FAM83B: variants seen among roughly 807,000 people sequenced by gnomAD.
FAM83B encodes the protein protein FAM83B.
FAM83B carries 26 observed loss-of-function variants against 38.8 expected under a neutral mutation model. That is an observed-to-expected ratio of 0.67 (90% CI 0.49 to 0.93). The LOEUF (loss-of-function observed/expected upper bound fraction) is 0.93. Ranked by LOEUF, FAM83B falls within the 40% of genes least tolerant of loss-of-function variation. FAM83B has a pLI of 0.00. For synonymous variants in FAM83B, 419 were observed against 423.1 expected (o/e 0.99, Z 0.12); for missense variants, 1,237 against 1,197.3 (o/e 1.03, Z -0.49).
chr6:54,908,964 TTAAA>T (rs1184842655), intron 2 of FAM83B, among the ~76,000 whole-genome samples: 2 of 152,202 alleles, frequency 1.3e-5, no homozygotes, highest in Non-Finnish European at 2.9e-5. Flanking sequence ...CTGTGTGATC[TTAAA>T]TAAATATTAG....
chr6:54,872,966 C>T (rs1003409877), intron 2 of FAM83B, among the ~76,000 whole-genome samples: 6 of 150,720 alleles, frequency 4.0e-5, no homozygotes, highest in East Asian at 1.9e-4. Context: ...TAAATTATAA[C>T]AGACGACTTC....
At chr6:54,855,832 A>G (rs995895985) in intron 1 of FAM83B, among the ~76,000 whole-genome samples, 4 of 152,232 alleles carry the variant, frequency 2.6e-5, no homozygotes, top group Admixed American at 2.0e-4. Context: ...ATAATTTGAT[A>G]AAACCATTAA....
intron 2 of FAM83B, among the ~76,000 whole-genome samples, chr6:54,920,503 T>G (rs1185727427): frequency 6.6e-6 from 1 of 151,928 alleles, no homozygotes; most frequent in Non-Finnish European, 1.5e-5. Flanking sequence ...CACCTATATT[T>G]CATTAAGTAT....
intron 1 of FAM83B, among the ~76,000 whole-genome samples, chr6:54,847,411 G>A (rs1771167123): frequency 7.2e-6 from 1 of 138,262 alleles, no homozygotes. Flanking sequence ...CCGTTTCTGA[G>A]TGCAGACTGG....
intron 3 of FAM83B, among the ~76,000 whole-genome samples, chr6:54,927,036 A>G (rs945393142): frequency 1.1e-4 from 16 of 152,082 alleles, no homozygotes; most frequent in African/African-American, 3.9e-4. Context: ...CCCGGCCTTC[A>G]TGAGGGTTTT....
intron 1 of FAM83B, among the ~76,000 whole-genome samples, chr6:54,850,603 CAACAT>C (rs1388498757): frequency 6.6e-6 from 1 of 152,122 alleles, no homozygotes; most frequent in East Asian, 1.9e-4. Context: ...TAGAATAACT[CAACAT>C]AAGATGTTTG....
intron 1 of FAM83B, among the ~76,000 whole-genome samples, chr6:54,860,386 G>A (rs1455336797): frequency 6.6e-6 from 1 of 152,070 alleles, no homozygotes; most frequent in African/African-American, 2.4e-5. Flanking sequence ...CTTGCCCTAT[G>A]CATTTGGCTC....
intron 2 of FAM83B, among the ~76,000 whole-genome samples, chr6:54,919,868 A>G (rs1773132029): frequency 2.0e-5 from 3 of 152,002 alleles, no homozygotes; most frequent in Admixed American, 2.0e-4. Context: ...TACATGCAAG[A>G]TATTCTCTGG....
At chr6:54,884,650 C>T (rs1423291735) in intron 2 of FAM83B, among the ~76,000 whole-genome samples, 1 of 152,058 alleles carries the variant, frequency 6.6e-6, no homozygotes, top group African/African-American at 2.4e-5. Context: ...CAAGTGACCA[C>T]TTACATATGG....
chr6:54,934,750 G>A (rs1486394467), intron 4 of FAM83B, among the ~76,000 whole-genome samples: 1 of 152,144 alleles, frequency 6.6e-6, no homozygotes, highest in Non-Finnish European at 1.5e-5. Flanking sequence ...AAAGGAAAGA[G>A]TAGGGAACCT....
At chr6:54,891,553 C>G (rs1772403175) in intron 2 of FAM83B, among the ~76,000 whole-genome samples, 1 of 152,152 alleles carries the variant, frequency 6.6e-6, no homozygotes, top group South Asian at 2.1e-4. Context: ...CTGATGTGGC[C>G]TGTCTTCTGA....
chr6:54,881,543 GA>G (rs1772132288), intron 2 of FAM83B, among the ~76,000 whole-genome samples: 3 of 151,522 alleles, frequency 2.0e-5, no homozygotes, highest in East Asian at 1.9e-4. Flanking sequence ...ATACGCTGCT[GA>G]AAAAAATCTA....
chr6:54,862,877 C>A (rs940375261), intron 1 of FAM83B, among the ~76,000 whole-genome samples: 16 of 151,572 alleles, frequency 1.1e-4, no homozygotes, highest in South Asian at 2.1e-4. Flanking sequence ...AAACCCCCCC[C>A]CAAAAAAACC....
rs1024494815 is a variant in FAM83B at position 54,942,766 on chromosome 6, G to A, written c.*759G>A. Among the ~76,000 whole-genome samples the A allele has an allele frequency of 6.7e-6, 1 of 148,506 alleles. No individual in the cohort carries two copies. Among genetic ancestry groups the A allele is most frequent in the Non-Finnish European group, 1.5e-5 (1 of 67,972 alleles). The stretch of plus-strand genomic sequence containing the variant: ...CTTACTTCACATTTAGGACAAACCA[G>A]TAGGAATTTAGAAAATCTGAATGAT... On this transcript the variant is annotated 3_prime_UTR_variant, in exon 5 of 5. Coordinates refer to ENST00000306858, the MANE Select transcript of FAM83B (RefSeq NM_001010872.3).
chr6:54,940,178 A>T lies in FAM83B; in HGVS notation c.1207A>T (p.Asn403Tyr), dbSNP rs1172219941. 46 of 1,613,978 alleles carry T rather than the reference A, an allele frequency of 2.9e-5. No individual in the cohort carries two copies. The highest frequency in any genetic ancestry group is 3.8e-5 in the Non-Finnish European group (45 of 1,180,014). Reference protein sequence around the residue: ...QPETVPYLLLNRALNRTNNPP... With the variant: ...QPETVPYLLLYRALNRTNNPP... ...AGAAACAGTGCCATACCTCCTGCTTAATAGGGCTCTGAATAGAACCAATAA... is the reference window on the plus strand; with the variant it reads ...AGAAACAGTGCCATACCTCCTGCTTTATAGGGCTCTGAATAGAACCAATAA... The change falls in exon 5 of 5, where the codon AAT becomes TAT. Residue 403 changes from asparagine to tyrosine, a missense_variant. By Grantham distance (143) the Asn-to-Tyr change is moderately radical (BLOSUM62 -2). Coordinates refer to ENST00000306858, the MANE Select transcript of FAM83B (RefSeq NM_001010872.3).
At chr6:54,904,947 A>G (rs1332170596) in intron 2 of FAM83B, among the ~76,000 whole-genome samples, 4 of 152,160 alleles carry the variant, frequency 2.6e-5, no homozygotes, top group Non-Finnish European at 5.9e-5. Flanking sequence ...GAGGGAGAGG[A>G]TGGGAGATCA....
At chr6:54,891,178 T>C (rs1772393487) in intron 2 of FAM83B, among the ~76,000 whole-genome samples, 1 of 152,062 alleles carries the variant, frequency 6.6e-6, no homozygotes, top group African/African-American at 2.4e-5. Context: ...GGGCTCTACT[T>C]CCTTACTTTT....
rs1238484204 is a variant in FAM83B at position 54,939,699 on chromosome 6, TC to T, written c.735-3del. ...AATGATTAAAATTTTTCCATTTTTT[TC>T]CCCAGTTATATGTGGTCATTTGAGA... On this transcript the variant is annotated splice_polypyrimidine_tract_variant and splice_region_variant and intron_variant, in intron 4 of 4. Transcript: ENST00000306858. 4 of 1,551,458 alleles carry T rather than the reference TC, an allele frequency of 2.6e-6. No homozygotes were observed. In the African/African-American group the frequency reaches 5.6e-5, roughly 22 times the overall value.
rs149641528 is a variant in FAM83B, at chr6:54,850,959, A to G, written c.-61+4133A>G. Reference sequence around the variant, plus strand: ...TTTGAACCTGGGAGGCAGAGCTTGCAGTGAGCCCAGGTCGCGCCACTGCAC... The same window carrying G: ...TTTGAACCTGGGAGGCAGAGCTTGCGGTGAGCCCAGGTCGCGCCACTGCAC... On this transcript the variant is annotated intron_variant, in intron 1 of 4. Coordinates refer to ENST00000306858, the MANE Select transcript of FAM83B (RefSeq NM_001010872.3). 4.9e-3 allele frequency among the ~76,000 whole-genome samples: 715 copies of G among 145,826 alleles called. 9 individuals carry two copies. The highest frequency in any genetic ancestry group is 0.017 in the African/African-American group (688 of 39,450).
Sources: gnomAD v4.1 joint callset for allele counts (sites outside exome capture counted in the v4.1 genomes callset) on GRCh38, gnomAD v4.1.1 for gene constraint, MANE v1.5 for transcripts, NCBI Gene and HGNC (gene_info 2026-07-23, HGNC 2026-07-21) for gene names.